WWOX: variants seen among roughly 807,000 people sequenced by gnomAD.
WWOX encodes WW domain containing oxidoreductase, also known as WW domain-containing oxidoreductase.
Under a neutral mutation model 46.2 loss-of-function variants are expected in WWOX, and 69 were observed. That is an observed-to-expected ratio of 1.49 (90% CI 1.23 to 1.82). The LOEUF (loss-of-function observed/expected upper bound fraction) is 1.82, where lower values mean the gene tolerates loss of function less well. Among genes scored for constraint, WWOX ranks in the 40% most tolerant of loss-of-function variants. The pLI is 0.00. For synonymous variants in WWOX, 359 were observed against 202.6 expected (o/e 1.77, Z -6.56); for missense variants, 919 against 542.6 (o/e 1.69, Z -6.89).
chr16:78,426,937 C>A (rs554681180), intron 7 of WWOX, among the ~76,000 whole-genome samples: 1 of 152,218 alleles, frequency 6.6e-6, no homozygotes, highest in Non-Finnish European at 1.5e-5. Flanking sequence ...GCTGTGATTA[C>A]AGGCGTGAGC....
intron 8 of WWOX, among the ~76,000 whole-genome samples, chr16:78,764,805 C>G (rs961150432): frequency 6.6e-6 from 1 of 151,754 alleles, no homozygotes; most frequent in Non-Finnish European, 1.5e-5. Flanking sequence ...AAACAACTTA[C>G]CTAGGTCTGA....
At chr16:78,369,650 C>G (rs1183898773) in intron 5 of WWOX, among the ~76,000 whole-genome samples, 2 of 151,248 alleles carry the variant, frequency 1.3e-5, no homozygotes, top group Non-Finnish European at 2.9e-5. Flanking sequence ...TGTTATCCAT[C>G]CTATTGTGGG....
chr16:78,925,360 A>G (rs1234758271), intron 8 of WWOX, among the ~76,000 whole-genome samples: 1 of 152,186 alleles, frequency 6.6e-6, no homozygotes, highest in East Asian at 1.9e-4. Flanking sequence ...CAACAAAGGG[A>G]GATCCACCCT....
At chr16:78,822,932 A>G (rs995802426) in intron 8 of WWOX, among the ~76,000 whole-genome samples, 1 of 146,962 alleles carries the variant, frequency 6.8e-6, no homozygotes, top group African/African-American at 2.5e-5. Flanking sequence ...AAACTAAAAG[A>G]AAAAAAAAAA....
chr16:78,970,920 G>A (rs2046456450), intron 8 of WWOX, among the ~76,000 whole-genome samples: 1 of 152,064 alleles, frequency 6.6e-6, no homozygotes. Context: ...TTTTGCTATG[G>A]TGGTCTCTGT....
At chr16:78,926,071 T>C (rs1410022885) in intron 8 of WWOX, among the ~76,000 whole-genome samples, 1 of 152,200 alleles carries the variant, frequency 6.6e-6, no homozygotes, top group Non-Finnish European at 1.5e-5. Flanking sequence ...AAACTGCTGC[T>C]CTTGGTAGAG....
At chr16:78,923,402 C>G (rs1331756941) in intron 8 of WWOX, among the ~76,000 whole-genome samples, 1 of 152,124 alleles carries the variant, frequency 6.6e-6, no homozygotes, top group African/African-American at 2.4e-5. Flanking sequence ...CAGTCATTTT[C>G]TTCTATATAA....
intron 8 of WWOX, among the ~76,000 whole-genome samples, chr16:78,716,548 G>T (rs1332839326): frequency 6.6e-6 from 1 of 152,112 alleles, no homozygotes; most frequent in East Asian, 1.9e-4. Flanking sequence ...TATGTCACCT[G>T]TGTGTACTCC....
Position 78,199,337 on chromosome 16 carries a change from AAACAAACT to A in WWOX, c.516+35051_516+35058del, listed in dbSNP as rs1184359857. ...CAAACAAACAAACAAACAAACAAACAAACAAACTAAGAACAACAACGAAAAAACTCCCA... is the reference window on the plus strand; with the variant it reads ...CAAACAAACAAACAAACAAACAAACAAAGAACAACAACGAAAAAACTCCCA... On this transcript the variant is annotated intron_variant, in intron 5 of 8. Transcript: ENST00000566780. Among the ~76,000 whole-genome samples the A allele has an allele frequency of 4.3e-3, 614 of 142,740 alleles. 3 individuals carry two copies. Among genetic ancestry groups the A allele is most frequent in the African/African-American group, 0.015 (579 of 37,444 alleles). 93.6% of individuals were successfully genotyped at this position (142,740 alleles called of 152,430 possible).
At chr16:78,436,926 C>G (rs1309398826) in intron 8 of WWOX, among the ~76,000 whole-genome samples, 1 of 152,234 alleles carries the variant, frequency 6.6e-6, no homozygotes, top group Non-Finnish European at 1.5e-5. Flanking sequence ...ATAAGCCACG[C>G]AGTTGCATCC....
At chr16:78,885,903 A>G (rs1280962046) in intron 8 of WWOX, among the ~76,000 whole-genome samples, 1 of 151,008 alleles carries the variant, frequency 6.6e-6, no homozygotes, top group Non-Finnish European at 1.5e-5. Context: ...AATCACATCC[A>G]CGTACAGGGA....
chr16:78,595,622 C>A (rs2045470978), intron 8 of WWOX, among the ~76,000 whole-genome samples: 1 of 152,212 alleles, frequency 6.6e-6, no homozygotes, highest in Admixed American at 6.5e-5. Context: ...ACCTGCCCCC[C>A]AGCTGACCAG....
At chr16:78,271,691 A>T (rs2079480442) in intron 5 of WWOX, among the ~76,000 whole-genome samples, 1 of 152,190 alleles carries the variant, frequency 6.6e-6, no homozygotes, top group Non-Finnish European at 1.5e-5. Context: ...CCTGGTCATT[A>T]TGCAAGTTAA....
intron 8 of WWOX, among the ~76,000 whole-genome samples, chr16:78,505,574 C>T (rs2085177184): frequency 6.6e-6 from 1 of 152,150 alleles, no homozygotes; most frequent in African/African-American, 2.4e-5. Context: ...CTACAGCGCC[C>T]AGTGCCCTAC....
chr16:78,956,133 T>C (rs2151307004), intron 8 of WWOX, among the ~76,000 whole-genome samples: 1 of 152,060 alleles, frequency 6.6e-6, no homozygotes, highest in African/African-American at 2.4e-5. Flanking sequence ...TCCATGTATT[T>C]GTTTAGGTTT....
chr16:78,692,111 T>C (rs2048003723), intron 8 of WWOX, among the ~76,000 whole-genome samples: 1 of 152,150 alleles, frequency 6.6e-6, no homozygotes, highest in African/African-American at 2.4e-5. Flanking sequence ...TTCTTCCCAG[T>C]CTCAGGTATG....
At chr16:78,336,040 C>T (rs7499671) in intron 5 of WWOX, among the ~76,000 whole-genome samples, 56,058 of 151,624 alleles carry the variant, frequency 0.37, 11,850 homozygotes, top group Non-Finnish European at 0.49. Flanking sequence ...TGCAGTGAGC[C>T]GAGATCAGGC....
intron 8 of WWOX, among the ~76,000 whole-genome samples, chr16:78,443,449 A>G (rs556836772): frequency 1.4e-4 from 21 of 152,310 alleles, no homozygotes; most frequent in African/African-American, 5.1e-4. Context: ...CACCAAGAAC[A>G]CACCTTAGCT....
chr16:78,659,456 GTAGGGCTCAGCAATC>G (rs1320694015), intron 8 of WWOX, among the ~76,000 whole-genome samples: 2 of 152,142 alleles, frequency 1.3e-5, no homozygotes, highest in African/African-American at 2.4e-5. Flanking sequence ...AACTCTGGGA[GTAGGGCTCAGCAATC>G]TAGTTTTAGC....
Sources: allele counts gnomAD v4.1 joint callset (sites outside exome capture counted in the v4.1 genomes callset), GRCh38; gene constraint gnomAD v4.1.1; transcripts MANE v1.5; gene names NCBI Gene and HGNC (gene_info 2026-07-23, HGNC 2026-07-21).